SLC25A21: variants seen among roughly 807,000 people sequenced by gnomAD.
SLC25A21 encodes the protein mitochondrial 2-oxodicarboxylate carrier.
In SLC25A21, 47 loss-of-function variants were observed where a neutral mutation model predicts 43.8. The ratio of observed to expected loss-of-function variants is 1.07; its 90% CI spans 0.85 to 1.37. The LOEUF (loss-of-function observed/expected upper bound fraction) is 1.37, where lower values mean the gene tolerates loss of function less well. SLC25A21 is among the 40% of genes most tolerant of loss of function. SLC25A21 has a pLI of 0.00. For synonymous variants in SLC25A21, 131 were observed against 121.3 expected, an observed-to-expected ratio of 1.08 and a Z score of -0.52; for missense variants, 352 against 350.2, an observed-to-expected ratio of 1.00 and a Z score of -0.04.
chr14:36,949,391 A>G (rs1892751855), intron 1 of SLC25A21, among the ~76,000 whole-genome samples: 1 of 152,236 alleles, frequency 6.6e-6, no homozygotes, highest in African/African-American at 2.4e-5. Context: ...AATTCACATT[A>G]TTAAGGCAAG....
intron 2 of SLC25A21, among the ~76,000 whole-genome samples, chr14:36,863,706 A>C (rs533972592): frequency 1.8e-4 from 28 of 152,336 alleles, no homozygotes; most frequent in African/African-American, 6.5e-4. Context: ...TTCTGCACAT[A>C]ATCTTGGGGA....
intron 3 of SLC25A21, among the ~76,000 whole-genome samples, chr14:36,801,237 C>A (rs1214885740): frequency 6.6e-6 from 1 of 152,108 alleles, no homozygotes; most frequent in Non-Finnish European, 1.5e-5. Flanking sequence ...GAGTTTTTCC[C>A]CCTAGGTTTC....
At chr14:36,975,134 C>G (rs755516272) in intron 1 of SLC25A21, among the ~76,000 whole-genome samples, 2 of 152,126 alleles carry the variant, frequency 1.3e-5, no homozygotes, top group Non-Finnish European at 2.9e-5. Flanking sequence ...ACAGGATATA[C>G]AAGACTACGC....
At chr14:36,891,695 G>A (rs536125324) in intron 1 of SLC25A21, among the ~76,000 whole-genome samples, 1 of 152,152 alleles carries the variant, frequency 6.6e-6, no homozygotes, top group East Asian at 1.9e-4. Flanking sequence ...AATCTCTTGA[G>A]TGTAGCCATG....
At chr14:36,749,712 C>A (rs1033703179) in intron 3 of SLC25A21, among the ~76,000 whole-genome samples, 2 of 152,192 alleles carry the variant, frequency 1.3e-5, no homozygotes, top group African/African-American at 2.4e-5. Flanking sequence ...CACTCCAGCG[C>A]CTTTACACAT....
At chr14:37,101,624 T>C (rs1056599452) in intron 1 of SLC25A21, among the ~76,000 whole-genome samples, 13 of 152,230 alleles carry the variant, frequency 8.5e-5, no homozygotes, top group African/African-American at 3.1e-4. Context: ...TAACAAACTT[T>C]ATAGTCATGC....
At chr14:36,814,137 A>G in intron 2 of SLC25A21, 136 bp from the exon 3 acceptor site, 1 of 580,944 alleles carries the variant, frequency 1.7e-6, no homozygotes, top group East Asian at 3.0e-5. Context: ...TTATTCATTT[A>G]TTAGCCTTAT....
At chr14:37,002,895 T>A (rs1203306527) in intron 1 of SLC25A21, among the ~76,000 whole-genome samples, 3 of 152,214 alleles carry the variant, frequency 2.0e-5, no homozygotes, top group Admixed American at 6.5e-5. Flanking sequence ...GTAACAGGTA[T>A]AATTTAAGAC....
rs1959471260 is a variant in SLC25A21 at position 36,960,803 on chromosome 14, A to C, written c.71-85799T>G. ...CAAAACAAAAAAGAAAGTCCAAGGGAACACCTATCTAAACAGTAGTGGTGA... is the reference window on the plus strand; with the variant it reads ...CAAAACAAAAAAGAAAGTCCAAGGGCACACCTATCTAAACAGTAGTGGTGA... On this transcript the variant is annotated intron_variant, in intron 1 of 9. Transcript: ENST00000331299. 3.3e-5 allele frequency among the ~76,000 whole-genome samples: 5 copies of C among 152,210 alleles called. No homozygotes were observed. The South Asian group carries it at 8.3e-4, about 25-fold the overall frequency.
chr14:37,040,328 G>GGAAGGAAA (rs1555343485), intron 1 of SLC25A21, among the ~76,000 whole-genome samples: 1 of 39,490 alleles, frequency 2.5e-5, no homozygotes, highest in African/African-American at 3.9e-4. Context: ...AAGGAAGAGG[G>GGAAGGAAA]GAAGGAAGGA....
At chr14:37,084,189 C>T (rs1041072018) in intron 1 of SLC25A21, among the ~76,000 whole-genome samples, 8 of 152,154 alleles carry the variant, frequency 5.3e-5, no homozygotes, top group South Asian at 2.1e-4. Context: ...TCCTACCATG[C>T]ACCCTCACCT....
chr14:36,727,656 C>T (rs1884655467), intron 5 of SLC25A21, among the ~76,000 whole-genome samples: 1 of 151,844 alleles, frequency 6.6e-6, no homozygotes, highest in Non-Finnish European at 1.5e-5. Context: ...CCACTGCACT[C>T]CAGCCTGGGC....
At chr14:37,124,783 T>G (rs547851928) in intron 1 of SLC25A21, among the ~76,000 whole-genome samples, 1 of 152,262 alleles carries the variant, frequency 6.6e-6, no homozygotes, top group East Asian at 1.9e-4. Context: ...TTGGTGCTGT[T>G]CTCATGACAG....
intron 3 of SLC25A21, among the ~76,000 whole-genome samples, chr14:36,741,665 G>A (rs1188557358): frequency 6.6e-6 from 1 of 152,146 alleles, no homozygotes; most frequent in African/African-American, 2.4e-5. Flanking sequence ...AAGTTGAAAA[G>A]CCATTTTCCA....
intron 3 of SLC25A21, among the ~76,000 whole-genome samples, chr14:36,764,426 G>C (rs900075436): frequency 6.6e-6 from 1 of 151,032 alleles, no homozygotes; most frequent in East Asian, 2.0e-4. Flanking sequence ...CAAGGAGAGT[G>C]GTTTTCTTAT....
intron 2 of SLC25A21, among the ~76,000 whole-genome samples, chr14:36,868,478 T>G: frequency 6.6e-6 from 1 of 152,154 alleles, no homozygotes; most frequent in Non-Finnish European, 1.5e-5. Context: ...TAACATTAGG[T>G]CTATCCCTGG....
At chr14:37,146,109 G>C (rs1048260269) in intron 1 of SLC25A21, among the ~76,000 whole-genome samples, 1 of 152,124 alleles carries the variant, frequency 6.6e-6, no homozygotes, top group African/African-American at 2.4e-5. Flanking sequence ...TTGATGAAAA[G>C]TTTTGAAGTT....
At chr14:36,987,574 C>T (rs1252135905) in intron 1 of SLC25A21, among the ~76,000 whole-genome samples, 2 of 152,022 alleles carry the variant, frequency 1.3e-5, no homozygotes, top group Non-Finnish European at 2.9e-5. Context: ...CATAATATAT[C>T]GTTAATATTT....
At chr14:36,764,452 T>C (rs1349804316) in intron 3 of SLC25A21, among the ~76,000 whole-genome samples, 1 of 150,080 alleles carries the variant, frequency 6.7e-6, no homozygotes, top group Admixed American at 6.6e-5. Flanking sequence ...CTCCATGAGA[T>C]TGAAGCACAA....
Sources: allele counts gnomAD v4.1 joint callset (sites outside exome capture counted in the v4.1 genomes callset), GRCh38; gene constraint gnomAD v4.1.1; transcripts MANE v1.5; gene names NCBI Gene and HGNC (gene_info 2026-07-23, HGNC 2026-07-21).